APBA2: variants seen among roughly 807,000 people sequenced by gnomAD.
The protein encoded by APBA2 is amyloid-beta A4 precursor protein-binding family A member 2.
APBA2 carries 30 observed loss-of-function variants against 75.0 expected under a neutral mutation model. That is an observed-to-expected ratio of 0.40 (90% CI 0.30 to 0.54). The LOEUF (loss-of-function observed/expected upper bound fraction) is 0.54, where lower values mean the gene tolerates loss of function less well. APBA2 is among the 20% of genes least tolerant of loss of function. The pLI, the probability that APBA2 is intolerant of heterozygous loss-of-function variation, is 0.49. For synonymous variants in APBA2, 444 were observed against 409.6 expected, an observed-to-expected ratio of 1.08 and a Z score of -1.01; for missense variants, 801 against 1,016.1, an observed-to-expected ratio of 0.79 and a Z score of 2.88.
intron 13 of APBA2, among the ~76,000 whole-genome samples, chr15:29,113,157 C>T (rs4779791): frequency 0.026 from 3,966 of 152,130 alleles, 119 homozygotes; most frequent in East Asian, 0.12. Context: ...GTGTGCACGG[C>T]GCCTGTTTTC....
intron 1 of APBA2, among the ~76,000 whole-genome samples, chr15:28,901,687 A>C (rs1054627664): frequency 6.6e-6 from 1 of 151,870 alleles, no homozygotes; most frequent in African/African-American, 2.4e-5. Flanking sequence ...CACACCCCTG[A>C]CTGTTTTTGC....
At chr15:28,949,495 G>A (rs984176780) in intron 2 of APBA2, among the ~76,000 whole-genome samples, 1 of 152,122 alleles carries the variant, frequency 6.6e-6, no homozygotes, top group Non-Finnish European at 1.5e-5. Context: ...TTGAGACAGG[G>A]TCTCACTCTG....
At chr15:28,961,110 C>A (rs1041814028) in intron 2 of APBA2, among the ~76,000 whole-genome samples, 1 of 152,108 alleles carries the variant, frequency 6.6e-6, no homozygotes, top group Non-Finnish European at 1.5e-5. Flanking sequence ...TGAGTCACAC[C>A]GGGAAGTGAT....
At chr15:29,049,191 G>C (rs2152878914) in intron 3 of APBA2, among the ~76,000 whole-genome samples, 1 of 152,296 alleles carries the variant, frequency 6.6e-6, no homozygotes, top group East Asian at 1.9e-4. Context: ...CTGATGCCTA[G>C]TTCCTATCTG....
rs144545889 is a variant in APBA2, at chr15:29,094,079, C to T, written c.1216-199C>T. ...TGGGGTGGTTGGCAGTCATTTCTAG[C>T]GCTCCAGGGACACCTGTGTGGGCTT... is the stretch of plus-strand genomic sequence containing the variant. On this transcript the variant is annotated intron_variant, in intron 7 of 14. Coordinates refer to ENST00000683413, the MANE Select transcript of APBA2 (RefSeq NM_001353788.2). 6.2e-3 allele frequency among the ~76,000 whole-genome samples: 939 copies of T among 152,334 alleles called. 12 individuals are homozygous for T. Among genetic ancestry groups the T allele is most frequent in the African/African-American group, 0.019 (798 of 41,584 alleles).
intron 3 of APBA2, among the ~76,000 whole-genome samples, chr15:29,013,349 G>A (rs1290883770): frequency 6.9e-6 from 1 of 145,148 alleles, no homozygotes; most frequent in African/African-American, 2.5e-5. Flanking sequence ...GCATGATCTC[G>A]GCTTGCTGCG....
Position 29,096,854 on chromosome 15 carries a change from A to G in APBA2, c.1252-1636A>G, listed in dbSNP as rs183327351. 5.1e-3 allele frequency among the ~76,000 whole-genome samples: 777 copies of G among 152,384 alleles called. 16 individuals are homozygous for G. The highest frequency in any genetic ancestry group is 4.0e-3 in the Non-Finnish European group (274 of 68,040). ...TATTCACCTCGGTGGGCAAACCAAT[A>G]GAACTTGAAATTCATTGCCACCGTG... On this transcript the variant is annotated intron_variant, in intron 8 of 14. Coordinates refer to ENST00000683413, the MANE Select transcript of APBA2 (RefSeq NM_001353788.2).
intron 3 of APBA2, among the ~76,000 whole-genome samples, chr15:29,019,144 C>T (rs184974306): frequency 5.3e-4 from 81 of 152,278 alleles, no homozygotes; most frequent in Non-Finnish European, 6.9e-4. Context: ...CAGGCCGGCC[C>T]CTCACCCCTG....
intron 1 of APBA2, among the ~76,000 whole-genome samples, chr15:28,901,946 T>TGTGTGTGTGTGTGGG (rs1440362339): frequency 6.0e-5 from 1 of 16,572 alleles, no homozygotes; most frequent in Non-Finnish European, 1.2e-4. Context: ...GTGTGTATGT[T>TGTGTGTGTGTGTGGG]GGGGGTCTGG....
chr15:29,103,623 CG>C (rs1567016136), intron 10 of APBA2, among the ~76,000 whole-genome samples: 1 of 152,174 alleles, frequency 6.6e-6, no homozygotes, highest in African/African-American at 2.4e-5. Flanking sequence ...GCCGGCTCCC[CG>C]GGCTTGGAGC....
chr15:29,071,255 T>G (rs2042609593), intron 4 of APBA2, among the ~76,000 whole-genome samples: 5 of 152,158 alleles, frequency 3.3e-5, no homozygotes, highest in Admixed American at 3.3e-4. Context: ...TTAGAAAGAT[T>G]TATTGGCATT....
chr15:28,960,378 G>A (rs897655948), intron 2 of APBA2, among the ~76,000 whole-genome samples: 1 of 151,724 alleles, frequency 6.6e-6, no homozygotes, highest in Non-Finnish European at 1.5e-5. Flanking sequence ...CAGGAGGATT[G>A]CCTGAGCCTG....
chr15:29,072,030 G>A (rs1331888647), intron 4 of APBA2, among the ~76,000 whole-genome samples: 2 of 152,058 alleles, frequency 1.3e-5, no homozygotes, highest in African/African-American at 4.8e-5. Flanking sequence ...GCCCTAACCC[G>A]TGGTGGATGC....
rs534662435 is a variant in APBA2 at position 28,991,077 on chromosome 15, G to A, written c.-94-4676G>A. 2.6e-5 allele frequency among the ~76,000 whole-genome samples: 4 copies of A among 152,274 alleles called. No homozygotes were observed. In the East Asian group the frequency reaches 7.7e-4, roughly 29 times the overall value. On this transcript the variant is annotated intron_variant, in intron 2 of 14. Coordinates refer to ENST00000683413, the MANE Select transcript of APBA2 (RefSeq NM_001353788.2). This position sits in a 1 kb window ranked among gnomAD's most constrained non-coding sequence, Gnocchi z 4.7. ...GTTTATAAATAAGAGTTATGGCATT[G>A]GAGTCCTTTACATTGCAGCCAGCCT...
chr15:29,117,133 G>A lies in APBA2; in HGVS notation c.2250G>A (p.Ter750=), dbSNP rs1189406218. 1.2e-6 allele frequency: 2 copies of A among 1,612,862 alleles called. No individual in the cohort carries two copies. The highest frequency in any genetic ancestry group is 3.3e-5 in the Admixed American group (2 of 60,020). ...LTGQETPLYI[*] is the part of the protein sequence containing the mutation. ...GTCAGGAGACCCCGCTGTACATCTAGGCCACCCCAGCCTGGCCACGCAGCC... is the reference window on the plus strand; with the variant it reads ...GTCAGGAGACCCCGCTGTACATCTAAGCCACCCCAGCCTGGCCACGCAGCC... Residue 750 remains the stop codon, a stop_retained_variant, in exon 15 of 15, where the codon TAG becomes TAA. Transcript: ENST00000683413.
At chr15:28,922,493 G>A (rs2034023862) in intron 2 of APBA2, among the ~76,000 whole-genome samples, 1 of 152,182 alleles carries the variant, frequency 6.6e-6, no homozygotes, top group Non-Finnish European at 1.5e-5. Flanking sequence ...ATCTTCTACA[G>A]CCAGCCATTG....
At chr15:29,000,627 A>G (rs1211267928) in intron 3 of APBA2, among the ~76,000 whole-genome samples, 1 of 151,828 alleles carries the variant, frequency 6.6e-6, no homozygotes, top group Admixed American at 6.6e-5. Context: ...GTCTTGCTCT[A>G]TTGCCCAGGC....
intron 14 of APBA2, among the ~76,000 whole-genome samples, chr15:29,114,929 A>G (rs1207596230): frequency 2.1e-5 from 3 of 141,336 alleles, no homozygotes; most frequent in Admixed American, 6.9e-5. Context: ...ATGAGTGTGT[A>G]TGTGTGCACG....
At chr15:29,051,090 C>T (rs1448984657) in intron 3 of APBA2, among the ~76,000 whole-genome samples, 1 of 152,178 alleles carries the variant, frequency 6.6e-6, no homozygotes, top group East Asian at 1.9e-4. Context: ...GTTGTGGTTG[C>T]TAAGTCCCTG....
Sources: gnomAD v4.1 joint callset for allele counts (sites outside exome capture counted in the v4.1 genomes callset) on GRCh38, gnomAD v4.1.1 for gene constraint, Gnocchi (gnomAD v3.1) non-coding constraint, MANE v1.5 for transcripts, NCBI Gene and HGNC (gene_info 2026-07-23, HGNC 2026-07-21) for gene names.